Variants in APOL6 observed in about 807,000 individuals in gnomAD.
APOL6 encodes apolipoprotein L, 6.
Under a neutral mutation model 2.4 loss-of-function variants are expected in APOL6, and 1 was observed. That is an observed-to-expected ratio of 0.41 (90% CI 0.15 to 1.94). The LOEUF (loss-of-function observed/expected upper bound fraction) is 1.94. Ranked by LOEUF, APOL6 falls within the 30% of genes most tolerant of loss-of-function variation. The pLI is 0.30. For missense variants in APOL6, 438 were observed against 429.2 expected, an observed-to-expected ratio of 1.02 and a Z score of -0.18; for synonymous variants, 189 against 169.3, an observed-to-expected ratio of 1.12 and a Z score of -0.90.
At position 35,660,554 on chromosome 22, in the gene APOL6, C is replaced by T. The variant is rs1307990193; in HGVS notation, c.*958C>T. On this transcript the variant is annotated 3_prime_UTR_variant, in exon 3 of 3. Transcript: ENST00000409652. ...TATGTCACTCGCCAAGTGTCTTAGT[C>T]TGTTTGTGCTGCTATAACAAAATAC... 1.3e-5 allele frequency: 2 copies of T among 152,282 alleles called. No homozygotes were observed. The highest frequency in any genetic ancestry group is 2.1e-4 in the South Asian group (1 of 4,836). The allele number at this position is 152,282 out of a possible 1,614,324, so 9.4% of individuals were successfully genotyped here.
At chr22:35,655,261 A>T (rs1339195672) in intron 1 of APOL6, among the ~76,000 whole-genome samples, 2 of 152,164 alleles carry the variant, frequency 1.3e-5, no homozygotes, top group Non-Finnish European at 2.9e-5. Flanking sequence ...GGTTACAAGG[A>T]TCCTAGCTGA....
chr22:35,656,302 C>G, intron 1 of APOL6, 77 bp from the exon 2 acceptor site: 1 of 1,149,634 alleles, frequency 8.7e-7, no homozygotes, highest in Non-Finnish European at 1.3e-6. Context: ...GTACATAATC[C>G]AAAATCCCTC....
rs1342701408 is a variant in APOL6 at position 35,659,390 on chromosome 22, T to C, written c.826T>C (p.Leu276=). The C allele has an allele frequency of 5.6e-6, 9 of 1,614,094 alleles. No homozygotes were observed. The highest frequency in any genetic ancestry group is 5.9e-6 in the Non-Finnish European group (7 of 1,180,006). ...KFAEELRAKA[L]ELERKLTELT... is the part of the protein sequence containing the mutation. ...TGCGGAAGAGTTGAGAGCCAAGGCC[T>C]TGGAGCTGGAGAGGAAACTCACAGA... is the stretch of plus-strand genomic sequence containing the variant. Residue 276 remains leucine (L), a synonymous_variant, in exon 3 of 3, where the codon TTG becomes CTG. Transcript: ENST00000409652.
rs762915615 is a variant in APOL6, at chr22:35,656,480, T to A, written c.50+5T>A. On this transcript the variant is annotated splice_donor_5th_base_variant and intron_variant, in intron 2 of 2. Transcript: ENST00000409652. ...GGCTGGTGTTGGTTTGCAAAGGTAATCCAAAGGGTGTAGTCCCCAGGGAGA... is the reference window on the plus strand; with the variant it reads ...GGCTGGTGTTGGTTTGCAAAGGTAAACCAAAGGGTGTAGTCCCCAGGGAGA... The A allele has an allele frequency of 2.7e-5, 43 of 1,613,882 alleles. No individual in the cohort carries two copies. Among genetic ancestry groups the A allele is most frequent in the Non-Finnish European group, 2.7e-5 (32 of 1,179,984 alleles).
rs1160455203 is a variant in APOL6 at position 35,668,372 on chromosome 22, T to C, written c.*8776T>C. The C allele has an allele frequency of 1.3e-5, 2 of 152,152 alleles. No homozygotes were observed. The highest frequency in any genetic ancestry group is 2.9e-5 in the Non-Finnish European group (2 of 68,048). 9.4% of individuals were successfully genotyped at this position (152,152 alleles called of 1,614,324 possible). ...GGGCTGTGTCACAGGCCATGTTCACTTACATTTGGCTCAGAATAAATCTCT... is the reference window on the plus strand; with the variant it reads ...GGGCTGTGTCACAGGCCATGTTCACCTACATTTGGCTCAGAATAAATCTCT... On this transcript the variant is annotated 3_prime_UTR_variant, in exon 3 of 3. Coordinates refer to ENST00000409652, the MANE Select transcript of APOL6 (RefSeq NM_030641.4).
chr22:35,660,462 C>T lies in APOL6; in HGVS notation c.*866C>T, dbSNP rs552045798. ...AAACAATAAATTTCTGTGGTGTAAG[C>T]AACTCAATCTATAGTAGTTTGTTAC... On this transcript the variant is annotated 3_prime_UTR_variant, in exon 3 of 3. Coordinates refer to ENST00000409652, the MANE Select transcript of APOL6 (RefSeq NM_030641.4). 6.6e-6 allele frequency: 1 copy of T among 152,372 alleles called. No homozygotes were observed. The highest frequency in any genetic ancestry group is 2.1e-4 in the South Asian group (1 of 4,828). 9.4% of individuals were successfully genotyped at this position (152,372 alleles called of 1,614,324 possible). A position where few individuals can be genotyped will look rare whatever the true frequency, so the allele number is the denominator to read the frequency against.
At position 35,662,915 on chromosome 22, in the gene APOL6, T is replaced by A. The variant is rs761166272; in HGVS notation, c.*3319T>A. ...CTGATCTCTTAAAATTTGGTAGAGA[T>A]CGGAAGTTTATTTTGCTGTACAACA... On this transcript the variant is annotated 3_prime_UTR_variant, in exon 3 of 3. Coordinates refer to ENST00000409652, the MANE Select transcript of APOL6 (RefSeq NM_030641.4). The A allele has an allele frequency of 1.3e-5, 2 of 152,208 alleles. No homozygotes were observed. Among genetic ancestry groups the A allele is most frequent in the South Asian group, 4.1e-4 (2 of 4,828 alleles). The allele number at this position is 152,208 out of a possible 1,614,324, so 9.4% of individuals were successfully genotyped here. A position where few individuals can be genotyped will look rare whatever the true frequency, so the allele number is the denominator to read the frequency against.
chr22:35,659,739 GA>G lies in APOL6; in HGVS notation c.*147del. On this transcript the variant is annotated 3_prime_UTR_variant, in exon 3 of 3. Transcript: ENST00000409652. The stretch of plus-strand genomic sequence containing the variant: ...ATGCTCCTTAAGGCCTATGTGCTGG[GA>G]AAAGGGTCTTCCCTGTTTGTTTGTT... 2 of 1,263,784 alleles carry G rather than the reference GA, an allele frequency of 1.6e-6. No individual in the cohort carries two copies. The highest frequency in any genetic ancestry group is 2.1e-6 in the Non-Finnish European group (2 of 940,058). 78.3% of individuals were successfully genotyped at this position (1,263,784 alleles called of 1,614,324 possible). A position where few individuals can be genotyped will look rare whatever the true frequency, so the allele number is the denominator to read the frequency against.
chr22:35,658,624 T>C lies in APOL6; in HGVS notation c.60T>C (p.Asp20=). ...TTTCATTTCTCCTCAGGGATGAGGA[T>C]GACGCTCCTCTGTGTGAAGACGTGG... ...EAGVGLQRDE[D]DAPLCEDVEL... Residue 20 remains aspartate, a synonymous_variant, in exon 3 of 3, where the codon GAT becomes GAC. Coordinates refer to ENST00000409652, the MANE Select transcript of APOL6 (RefSeq NM_030641.4). 1.2e-6 allele frequency: 2 copies of C among 1,607,524 alleles called. No homozygotes were observed. Among genetic ancestry groups the C allele is most frequent in the Non-Finnish European group, 1.7e-6 (2 of 1,176,208 alleles).
chr22:35,659,886 C>T lies in APOL6; in HGVS notation c.*290C>T, dbSNP rs2145958972. On this transcript the variant is annotated 3_prime_UTR_variant, in exon 3 of 3. Coordinates refer to ENST00000409652, the MANE Select transcript of APOL6 (RefSeq NM_030641.4). Reference sequence around the variant, plus strand: ...GTGCAAGCAAGTCTCCTGCCTCAGCCTCCCAAGTAGCTGGGATTACAGGCA... The same window carrying T: ...GTGCAAGCAAGTCTCCTGCCTCAGCTTCCCAAGTAGCTGGGATTACAGGCA... The T allele has an allele frequency of 2.9e-6, 1 of 348,334 alleles. No homozygotes were observed. The highest frequency in any genetic ancestry group is 5.3e-6 in the Non-Finnish European group (1 of 190,408). The allele number at this position is 348,334 out of a possible 1,614,324, so 21.6% of individuals were successfully genotyped here.
rs1477939308 is a variant in APOL6 at position 35,659,438 on chromosome 22, T to C, written c.874T>C (p.Leu292=). The C allele has an allele frequency of 1.9e-6, 3 of 1,614,046 alleles. No individual in the cohort carries two copies. The highest frequency in any genetic ancestry group is 1.7e-6 in the Non-Finnish European group (2 of 1,180,002). ...LTELTQLYKS[L]QQKVRSRARG... is the part of the protein sequence containing the mutation. Reference sequence around the variant, plus strand: ...AGAACTCACCCAGCTCTACAAGAGCTTGCAGCAGAAAGTGAGGTCAAGGGC... The same window carrying C: ...AGAACTCACCCAGCTCTACAAGAGCCTGCAGCAGAAAGTGAGGTCAAGGGC... Residue 292 remains leucine, a synonymous_variant, in exon 3 of 3, where the codon TTG becomes CTG. Coordinates refer to ENST00000409652, the MANE Select transcript of APOL6 (RefSeq NM_030641.4).
At position 35,667,516 on chromosome 22, in the gene APOL6, A is replaced by C. The variant is rs953270076; in HGVS notation, c.*7920A>C. 5 of 152,246 alleles carry C rather than the reference A, an allele frequency of 3.3e-5. No individual in the cohort carries two copies. Among genetic ancestry groups the C allele is most frequent in the Non-Finnish European group, 7.3e-5 (5 of 68,046 alleles). The allele number at this position is 152,246 out of a possible 1,614,324, so 9.4% of individuals were successfully genotyped here. On this transcript the variant is annotated 3_prime_UTR_variant, in exon 3 of 3. Transcript: ENST00000409652. ...AAAACGTTTTTAGAAAGTCCTTGGA[A>C]ACAGTTCTCATTTCAGACATGTAAG... is the stretch of plus-strand genomic sequence containing the variant.
chr22:35,658,582 C>A, intron 2 of APOL6, 33 bp from the exon 3 acceptor site: 1 of 1,545,552 alleles, frequency 6.5e-7, no homozygotes, highest in Admixed American at 2.0e-5. Flanking sequence ...ATCTGGGAAG[C>A]TGAAGCAAAA....
Position 35,663,068 on chromosome 22 carries a change from A to T in APOL6, c.*3472A>T, listed in dbSNP as rs2145961461. 1 of 152,246 alleles carries T rather than the reference A, an allele frequency of 6.6e-6. No individual in the cohort carries two copies. Among genetic ancestry groups the T allele is most frequent in the South Asian group, 2.1e-4 (1 of 4,818 alleles). 9.4% of individuals were successfully genotyped at this position (152,246 alleles called of 1,614,324 possible). On this transcript the variant is annotated 3_prime_UTR_variant, in exon 3 of 3. Transcript: ENST00000409652. ...TTCCAATGCACTTAGAGCACTCAGAAATTGTATAATTTGTGTGACCATTGT... is the reference window on the plus strand; with the variant it reads ...TTCCAATGCACTTAGAGCACTCAGATATTGTATAATTTGTGTGACCATTGT...
chr22:35,653,697 A>G (rs1390320839), intron 1 of APOL6, among the ~76,000 whole-genome samples: 1 of 151,964 alleles, frequency 6.6e-6, no homozygotes, highest in Non-Finnish European at 1.5e-5. Context: ...ACACCAATTT[A>G]CCTTCTTCTG....
Position 35,661,838 on chromosome 22 carries a change from C to T in APOL6, c.*2242C>T, listed in dbSNP as rs1185088407. 1.3e-5 allele frequency: 2 copies of T among 152,078 alleles called. No individual in the cohort carries two copies. 9.4% of individuals were successfully genotyped at this position (152,078 alleles called of 1,614,324 possible). A position where few individuals can be genotyped will look rare whatever the true frequency, so the allele number is the denominator to read the frequency against. ...CAGCACACTTAGGGTACACAAAATG[C>T]ATATTAAAACATTTTCTTCCTTCAG... On this transcript the variant is annotated 3_prime_UTR_variant, in exon 3 of 3. Coordinates refer to ENST00000409652, the MANE Select transcript of APOL6 (RefSeq NM_030641.4).
chr22:35,652,115 T>C (rs1211075687), intron 1 of APOL6, among the ~76,000 whole-genome samples: 1 of 152,228 alleles, frequency 6.6e-6, no homozygotes, highest in African/African-American at 2.4e-5. Flanking sequence ...TGGTATCTCA[T>C]TGTGGTTTTG....
At chr22:35,656,272 A>G in intron 1 of APOL6, 107 bp from the exon 2 acceptor site, 1 of 811,820 alleles carries the variant, frequency 1.2e-6, no homozygotes, top group Non-Finnish European at 2.1e-6. Flanking sequence ...TTAGTATGCT[A>G]TGTGGTTGTT....
chr22:35,648,761 G>A (rs1385652808), intron 1 of APOL6, 138 bp downstream of exon 1: 1 of 152,306 alleles, frequency 6.6e-6, no homozygotes, highest in Non-Finnish European at 1.5e-5. Flanking sequence ...TCAAATGCCA[G>A]CCAGAGCTTG....
Sources: allele counts gnomAD v4.1 joint callset (sites outside exome capture counted in the v4.1 genomes callset), GRCh38; gene constraint gnomAD v4.1.1; transcripts MANE v1.5; gene names NCBI Gene and HGNC (gene_info 2026-07-23, HGNC 2026-07-21).